Variants in CCDC38 observed in about 807,000 individuals in gnomAD.
CCDC38 encodes coiled-coil domain containing 38, also known as coiled-coil domain-containing protein 38.
A neutral mutation model predicts 72.8 loss-of-function variants in CCDC38; 69 were observed. That is an observed-to-expected ratio of 0.95 (90% CI 0.78 to 1.16). The LOEUF (loss-of-function observed/expected upper bound fraction) is 1.16. CCDC38 is among the 50% of genes most tolerant of loss of function. The probability of loss-of-function intolerance (pLI) is 0.00; values close to 1 mark genes in which losing one functional copy is unlikely to be tolerated. For synonymous variants in CCDC38, 201 were observed against 213.2 expected, an observed-to-expected ratio of 0.94 and a Z score of 0.50; for missense variants, 626 against 638.9, an observed-to-expected ratio of 0.98 and a Z score of 0.22.
At chr12:95,938,259 G>C (rs1014045392) in intron 1 of CCDC38, among the ~76,000 whole-genome samples, 1 of 152,146 alleles carries the variant, frequency 6.6e-6, no homozygotes, top group African/African-American at 2.4e-5. Flanking sequence ...AAAAATTGGT[G>C]ACAACCTGTG....
chr12:95,909,450 A>T (rs955180013), intron 4 of CCDC38, among the ~76,000 whole-genome samples: 4 of 152,214 alleles, frequency 2.6e-5, no homozygotes, highest in Non-Finnish European at 5.9e-5. Flanking sequence ...AGATGGATTC[A>T]CAGCCGACTC....
intron 7 of CCDC38, among the ~76,000 whole-genome samples, chr12:95,896,824 T>TG (rs2079894175): frequency 8.2e-6 from 1 of 122,296 alleles, no homozygotes; most frequent in Non-Finnish European, 1.7e-5. Context: ...TGCACCTTTC[T>TG]AGATGATGTG....
chr12:95,935,407 G>T (rs1410092093), intron 2 of CCDC38: 1 of 161,854 alleles, frequency 6.2e-6, no homozygotes, highest in Non-Finnish European at 1.4e-5. Flanking sequence ...GCAGGAATAT[G>T]GATGTAATCA....
At chr12:95,872,985 A>G (rs984845329) in intron 13 of CCDC38, among the ~76,000 whole-genome samples, 2 of 152,246 alleles carry the variant, frequency 1.3e-5, no homozygotes, top group African/African-American at 2.4e-5. Context: ...TTCTTAAAAT[A>G]TACTGAACTC....
chr12:95,879,705 G>A lies in CCDC38; in HGVS notation c.1081C>T (p.Gln361Ter). ...EQNLTLFQYS[Q>*]DVDENLEEVN... The stretch of plus-strand genomic sequence containing the variant: ...TCTTCAAGATTTTCATCTACATCTT[G>A]GGAATATTGAAACAAAGTAAGATTC... The change falls in exon 12 of 16, where the codon CAA (glutamine) becomes TAA (stop). Residue 361 changes from glutamine to a stop codon, truncating the protein, a stop_gained. Coordinates refer to ENST00000344280, the MANE Select transcript of CCDC38 (RefSeq NM_182496.3). LOFTEE classifies it high-confidence loss of function. This position sits in a 1 kb window ranked among gnomAD's most constrained non-coding sequence, Gnocchi z 5.5. 1 of 1,607,504 alleles carries A rather than the reference G, an allele frequency of 6.2e-7. No individual in the cohort carries two copies. Among genetic ancestry groups the A allele is most frequent in the South Asian group, 1.1e-5 (1 of 90,728 alleles).
intron 2 of CCDC38, among the ~76,000 whole-genome samples, chr12:95,929,740 C>T (rs979677301): frequency 1.3e-5 from 2 of 152,172 alleles, no homozygotes; most frequent in African/African-American, 4.8e-5. Flanking sequence ...TATTAGTTTC[C>T]TCTTGTTTCC....
chr12:95,919,460 C>A, intron 2 of CCDC38: 1 of 446,528 alleles, frequency 2.2e-6, no homozygotes, highest in Admixed American at 2.4e-5. Context: ...GGTTGCAGTT[C>A]GTTCACAAGG....
At chr12:95,916,746 G>A (rs555126526) in intron 4 of CCDC38, among the ~76,000 whole-genome samples, 1 of 152,016 alleles carries the variant, frequency 6.6e-6, no homozygotes, top group Non-Finnish European at 1.5e-5. Flanking sequence ...TCCTCATTCT[G>A]GATGCATGAG....
At chr12:95,920,192 C>T (rs2080189980) in intron 2 of CCDC38, among the ~76,000 whole-genome samples, 2 of 152,088 alleles carry the variant, frequency 1.3e-5, no homozygotes, top group African/African-American at 4.8e-5. Flanking sequence ...GTAATTGAAT[C>T]GTGTTGAGGG....
At chr12:95,935,525 A>G in intron 2 of CCDC38, 1 of 325,978 alleles carries the variant, frequency 3.1e-6, no homozygotes, top group Non-Finnish European at 6.3e-6. Context: ...ATCCAGACTT[A>G]ACCTGAGAGA....
chr12:95,882,702 T>C (rs1207322608), intron 10 of CCDC38, among the ~76,000 whole-genome samples: 4 of 152,170 alleles, frequency 2.6e-5, no homozygotes, highest in Non-Finnish European at 4.4e-5. Context: ...CTTTTGGGGC[T>C]CCTCCTCAGT....
intron 10 of CCDC38, among the ~76,000 whole-genome samples, chr12:95,888,255 T>C (rs2079782329): frequency 6.6e-6 from 1 of 152,212 alleles, no homozygotes; most frequent in Non-Finnish European, 1.5e-5. Flanking sequence ...AGATAGCTTC[T>C]GCAAATAATA....
At chr12:95,920,575 ATGT>A (rs1348907047) in intron 2 of CCDC38, among the ~76,000 whole-genome samples, 1 of 152,226 alleles carries the variant, frequency 6.6e-6, no homozygotes, top group African/African-American at 2.4e-5. Flanking sequence ...CATTGGAAAC[ATGT>A]TAAGTAAAAG....
chr12:95,931,579 C>G (rs1037686219), intron 2 of CCDC38, among the ~76,000 whole-genome samples: 1 of 152,096 alleles, frequency 6.6e-6, no homozygotes, highest in Non-Finnish European at 1.5e-5. Flanking sequence ...CATTCATCCA[C>G]TCATTCATTC....
intron 14 of CCDC38, 40 bp from the exon 15 acceptor site, chr12:95,869,613 C>T: frequency 6.9e-7 from 1 of 1,441,550 alleles, no homozygotes; most frequent in South Asian, 1.2e-5. Flanking sequence ...AACTATAAAT[C>T]ACATTGAGTA....
In CCDC38 at chr12:95,878,231, C is replaced by A. The variant is rs774600539; in HGVS notation, c.1258G>T (p.Glu420Ter). The change falls in exon 13 of 16, where the codon GAA (glutamate) becomes TAA (stop). Residue 420 changes from glutamate (E) to a stop codon, truncating the protein, a stop_gained. Coordinates refer to ENST00000344280, the MANE Select transcript of CCDC38 (RefSeq NM_182496.3). LOFTEE classifies it high-confidence loss of function. ...QLKSKLFSFG[E>*]FNSDAQEILI... ...TTTACCTGAGCATCTGAATTAAATTCTCCAAAGCTAAAGAGCTTGGACTTT... is the reference window on the plus strand; with the variant it reads ...TTTACCTGAGCATCTGAATTAAATTATCCAAAGCTAAAGAGCTTGGACTTT... The A allele has an allele frequency of 3.7e-6, 6 of 1,613,316 alleles. No homozygotes were observed. Among genetic ancestry groups the A allele is most frequent in the Non-Finnish European group, 3.4e-6 (4 of 1,179,794 alleles).
chr12:95,939,866 T>C (rs570705617), intron 1 of CCDC38, among the ~76,000 whole-genome samples: 1 of 152,194 alleles, frequency 6.6e-6, no homozygotes, highest in Non-Finnish European at 1.5e-5. Context: ...GTAGTAGGAA[T>C]GGCACTATGG....
rs781624197 is a variant in CCDC38 at position 95,881,490 on chromosome 12, C to G, written c.985G>C (p.Asp329His). ...AGCAAATATAATCTGGTTACCAAATCAACGTCCATTTCATCATCTAAAAGG... is the reference window on the plus strand; with the variant it reads ...AGCAAATATAATCTGGTTACCAAATGAACGTCCATTTCATCATCTAAAAGG... ...EFLLDDEMDV[D>H]LEPALYFKEP... Residue 329 changes from aspartate to histidine, a missense_variant, in exon 11 of 16, where the codon GAT becomes CAT. By Grantham distance (81) the Asp-to-His change is moderately conservative. Coordinates refer to ENST00000344280, the MANE Select transcript of CCDC38 (RefSeq NM_182496.3). 3.0e-5 allele frequency: 48 copies of G among 1,606,670 alleles called. No homozygotes were observed. The South Asian group carries it at 5.1e-4, about 17-fold the overall frequency.
intron 2 of CCDC38, among the ~76,000 whole-genome samples, chr12:95,920,154 ATG>A (rs1404620998): frequency 2.0e-5 from 3 of 152,186 alleles, no homozygotes; most frequent in African/African-American, 7.2e-5. Flanking sequence ...TATAATTCCC[ATG>A]TGTCATGGGA....
Sources: gnomAD v4.1 joint callset for allele counts (sites outside exome capture counted in the v4.1 genomes callset) on GRCh38, gnomAD v4.1.1 for gene constraint, Gnocchi (gnomAD v3.1) non-coding constraint, MANE v1.5 for transcripts, NCBI Gene and HGNC (gene_info 2026-07-23, HGNC 2026-07-21) for gene names.